ASAP1: variants seen among roughly 807,000 people sequenced by gnomAD.
ASAP1 encodes ArfGAP with SH3 domain, ankyrin repeat and PH domain 1.
Under a neutral mutation model 145.2 loss-of-function variants are expected in ASAP1, and 43 were observed. The ratio of observed to expected loss-of-function variants is 0.30; its 90% CI spans 0.23 to 0.38. The LOEUF (loss-of-function observed/expected upper bound fraction) is 0.38. Among genes scored for constraint, ASAP1 ranks in the 10% least tolerant of loss-of-function variants. The pLI is 1.00. For synonymous variants in ASAP1, 546 were observed against 515.5 expected (o/e 1.06, Z -0.80); for missense variants, 1,018 against 1,355.3 (o/e 0.75, Z 3.91).
intron 12 of ASAP1, 69 bp from the exon 13 acceptor site, chr8:130,152,874 T>C: frequency 1.8e-6 from 2 of 1,136,512 alleles, no homozygotes; most frequent in Non-Finnish European, 2.5e-6. Flanking sequence ...CGATACAGTA[T>C]GATACATAAT....
At chr8:130,301,892 A>G (rs182953683) in intron 3 of ASAP1, among the ~76,000 whole-genome samples, 1 of 152,374 alleles carries the variant, frequency 6.6e-6, no homozygotes, top group East Asian at 1.9e-4. Flanking sequence ...AAGCTTGCAT[A>G]CAGGATAATC....
intron 24 of ASAP1, among the ~76,000 whole-genome samples, chr8:130,102,853 T>C (rs946894968): frequency 2.6e-5 from 4 of 152,130 alleles, no homozygotes; most frequent in Non-Finnish European, 4.4e-5. Context: ...GCCCAAGTAA[T>C]TTTTTATTTA....
At chr8:130,305,424 G>A (rs1304302707) in intron 3 of ASAP1, among the ~76,000 whole-genome samples, 2 of 152,098 alleles carry the variant, frequency 1.3e-5, no homozygotes, top group Admixed American at 6.5e-5. Flanking sequence ...TCGGCTCACC[G>A]CAAGCTTCAG....
intron 3 of ASAP1, among the ~76,000 whole-genome samples, chr8:130,318,017 C>T (rs1236025664): frequency 2.0e-5 from 3 of 152,176 alleles, no homozygotes; most frequent in Non-Finnish European, 4.4e-5. Context: ...CAGAAAGCAT[C>T]CACTGATAGA....
intron 27 of ASAP1, among the ~76,000 whole-genome samples, chr8:130,075,137 A>C (rs1304439504): frequency 6.6e-6 from 1 of 152,190 alleles, no homozygotes; most frequent in African/African-American, 2.4e-5. Context: ...ATCTGGGCAC[A>C]CTGTAAATGG....
intron 2 of ASAP1, among the ~76,000 whole-genome samples, chr8:130,401,360 C>T (rs898750481): frequency 1.3e-5 from 2 of 152,080 alleles, no homozygotes; most frequent in African/African-American, 4.8e-5. Flanking sequence ...ATTCCACTGC[C>T]TCAACCTCCC....
At chr8:130,097,669 C>G (rs150108796) in intron 24 of ASAP1, among the ~76,000 whole-genome samples, 1 of 152,200 alleles carries the variant, frequency 6.6e-6, no homozygotes, top group Non-Finnish European at 1.5e-5. Flanking sequence ...CTCACCCTGG[C>G]AGGCCCACGG....
At chr8:130,182,913 A>T (rs759404123) in intron 7 of ASAP1, among the ~76,000 whole-genome samples, 1 of 151,644 alleles carries the variant, frequency 6.6e-6, no homozygotes, top group Admixed American at 6.6e-5. Context: ...AAGCTAACTG[A>T]AACAGTGGGG....
chr8:130,315,794 C>T (rs1351438262), intron 3 of ASAP1, among the ~76,000 whole-genome samples: 1 of 152,250 alleles, frequency 6.6e-6, no homozygotes, highest in African/African-American at 2.4e-5. Flanking sequence ...CAACACTGAG[C>T]ACCCAAACCA....
At chr8:130,145,586 T>C (rs1468432928) in intron 13 of ASAP1, among the ~76,000 whole-genome samples, 1 of 152,212 alleles carries the variant, frequency 6.6e-6, no homozygotes, top group African/African-American at 2.4e-5. Flanking sequence ...CTTGAGGCTT[T>C]TATTAGCCTC....
chr8:130,083,369 C>T (rs955528077), intron 25 of ASAP1: 6 of 152,218 alleles, frequency 3.9e-5, no homozygotes, highest in African/African-American at 1.4e-4. Context: ...CAAAGAACAC[C>T]TTTAGAGTCA....
In ASAP1 at chr8:130,118,234, T is replaced by C; in HGVS notation, c.1807A>G (p.Thr603Ala). The C allele has an allele frequency of 3.1e-6, 5 of 1,613,878 alleles. No homozygotes were observed. Among genetic ancestry groups the C allele is most frequent in the Non-Finnish European group, 3.4e-6 (4 of 1,179,882 alleles). Residue 603 changes from threonine (T) to alanine (A), a missense_variant, in exon 20 of 30, where the codon ACA becomes GCA. Thr to Ala is a moderately conservative substitution (Grantham distance 58, BLOSUM62 0). This residue lies in a region of ASAP1 where 353 missense variants were observed against 375.4 expected (regional missense o/e 0.94). Coordinates refer to ENST00000518721, the MANE Select transcript of ASAP1 (RefSeq NM_018482.4). Reference protein sequence around the residue: ...LLEPGQELGETALHLAVRTAD... With the variant: ...LLEPGQELGEAALHLAVRTAD... ...GTTCGGACGGCAAGGTGAAGGGCTGTCTCCCCAAGCTCCTAAAAAGGGAAA... is the reference window on the plus strand; with the variant it reads ...GTTCGGACGGCAAGGTGAAGGGCTGCCTCCCCAAGCTCCTAAAAAGGGAAA...
chr8:130,234,222 G>C (rs937389379), intron 4 of ASAP1, among the ~76,000 whole-genome samples: 1 of 152,096 alleles, frequency 6.6e-6, no homozygotes, highest in African/African-American at 2.4e-5. Context: ...TATCCAATAT[G>C]GCACCCACTA....
intron 27 of ASAP1, among the ~76,000 whole-genome samples, chr8:130,064,381 T>A (rs879872528): frequency 4.6e-5 from 7 of 152,104 alleles, no homozygotes; most frequent in Non-Finnish European, 1.5e-5. Flanking sequence ...GCTAAGCACC[T>A]CTCTCAGGCT....
chr8:130,342,227 T>C (rs1344410853), intron 3 of ASAP1, among the ~76,000 whole-genome samples: 3 of 152,170 alleles, frequency 2.0e-5, no homozygotes, highest in African/African-American at 7.2e-5. Flanking sequence ...GCACTCATCA[T>C]GTAAGACCAC....
At chr8:130,100,253 C>A (rs1269442504) in intron 24 of ASAP1, among the ~76,000 whole-genome samples, 1 of 152,166 alleles carries the variant, frequency 6.6e-6, no homozygotes, top group African/African-American at 2.4e-5. Flanking sequence ...ATTTACATTT[C>A]TCTCATGATT....
At chr8:130,071,416 G>A (rs947394870) in intron 27 of ASAP1, among the ~76,000 whole-genome samples, 4 of 152,158 alleles carry the variant, frequency 2.6e-5, no homozygotes, top group Admixed American at 6.5e-5. Flanking sequence ...GAATATGGCC[G>A]GTGGTAAAAA....
chr8:130,390,116 C>T (rs1391641201), intron 2 of ASAP1, among the ~76,000 whole-genome samples: 5 of 152,176 alleles, frequency 3.3e-5, no homozygotes, highest in African/African-American at 9.7e-5. Flanking sequence ...CCAGGTGACC[C>T]ACATGCATAT....
In ASAP1 at chr8:130,443,658, G is replaced by C. The variant is rs1275853637; in HGVS notation, c.-226C>G. On this transcript the variant is annotated 5_prime_UTR_variant, in exon 1 of 30. Coordinates refer to ENST00000518721, the MANE Select transcript of ASAP1 (RefSeq NM_018482.4). ...GCGGGAGCCGAGCGCGGCGCAGGAA[G>C]GGGCGGGCGACCATGTGCCGAGGGG... The C allele has an allele frequency of 6.6e-6, 1 of 152,064 alleles. No individual in the cohort carries two copies. Among genetic ancestry groups the C allele is most frequent in the Non-Finnish European group, 1.5e-5 (1 of 68,172 alleles). 9.4% of individuals were successfully genotyped at this position (152,064 alleles called of 1,614,324 possible).
Sources: allele counts gnomAD v4.1 joint callset (sites outside exome capture counted in the v4.1 genomes callset), GRCh38; gene constraint gnomAD v4.1.1; regional missense constraint gnomAD v4.1.1; transcripts MANE v1.5; gene names NCBI Gene and HGNC (gene_info 2026-07-23, HGNC 2026-07-21).